The following EPM2A variants were observed in gnomAD, a reference collection of about 807,000 sequenced individuals.
EPM2A encodes the protein laforin.
EPM2A carries 21 observed loss-of-function variants against 26.5 expected under a neutral mutation model. The ratio of observed to expected loss-of-function variants is 0.79; its 90% CI spans 0.56 to 1.14. The LOEUF (loss-of-function observed/expected upper bound fraction) is 1.14, where lower values mean the gene tolerates loss of function less well. EPM2A is among the 50% of genes most tolerant of loss of function. EPM2A has a pLI of 0.00. For synonymous variants in EPM2A, 217 were observed against 177.6 expected (o/e 1.22, Z -1.76); for missense variants, 458 against 440.8 (o/e 1.04, Z -0.35).
At position 145,722,725 on chromosome 6, in the gene EPM2A, C is replaced by T. The variant is rs988920016; in HGVS notation, c.301+12473G>A. The T allele has an allele frequency of 1.8e-5, 8 of 449,708 alleles. No homozygotes were observed. In the Admixed American group the frequency reaches 1.9e-4, roughly 11 times the overall value. The allele number at this position is 449,708 out of a possible 1,614,324, so 27.9% of individuals were successfully genotyped here. The stretch of plus-strand genomic sequence containing the variant: ...ATCTTATTTGAAGATAGGATGTTTA[C>T]AGTGGTAATAAAGTTAAAATGAGGT... On this transcript the variant is annotated intron_variant, in intron 1 of 3. Transcript: ENST00000367519.
At chr6:145,530,921 C>T (rs893596965) in intron 2 of EPM2A, among the ~76,000 whole-genome samples, 31 of 152,284 alleles carry the variant, frequency 2.0e-4, no homozygotes, top group African/African-American at 7.0e-4. Flanking sequence ...CATCAACTTA[C>T]AAGCTTGCTC....
Position 145,689,672 on chromosome 6 carries a change from C to G in EPM2A, c.302-3376G>C, listed in dbSNP as rs118096802. Among the ~76,000 whole-genome samples, 748 of 152,370 alleles carry G rather than the reference C, an allele frequency of 4.9e-3. 2 individuals carry two copies. Among genetic ancestry groups the G allele is most frequent in the Non-Finnish European group, 8.1e-3 (549 of 68,042 alleles). On this transcript the variant is annotated intron_variant, in intron 1 of 3. Coordinates refer to ENST00000367519, the MANE Select transcript of EPM2A (RefSeq NM_005670.4). ...TCTGTTTGATAATAACTACACTACT[C>G]CAGTCAAACCCACTGAAAAAATGTG...
intron 2 of EPM2A, among the ~76,000 whole-genome samples, chr6:145,599,779 T>C (rs1432097362): frequency 6.6e-6 from 1 of 152,048 alleles, no homozygotes; most frequent in African/African-American, 2.4e-5. Context: ...ATTGAGTGGG[T>C]AAATTTCTTT....
chr6:145,390,563 T>TTCTCTCTC (rs61299104), intron 4 of EPM2A, among the ~76,000 whole-genome samples: 14,770 of 148,496 alleles, frequency 0.099, 786 homozygotes, highest in South Asian at 0.15. Context: ...TGCATGCACA[T>TTCTCTCTC]TCTCTCTCTC....
chr6:145,608,131 A>G (rs1775308386), intron 2 of EPM2A, among the ~76,000 whole-genome samples: 2 of 152,356 alleles, frequency 1.3e-5, no homozygotes, highest in African/African-American at 4.8e-5. Context: ...GAGAGAGACC[A>G]CATTCACATA....
intron 4 of EPM2A, among the ~76,000 whole-genome samples, chr6:145,384,559 T>C (rs1467367133): frequency 6.8e-6 from 1 of 147,634 alleles, no homozygotes; most frequent in African/African-American, 2.5e-5. Context: ...TTGGACTTTA[T>C]AACCCCTCAT....
At chr6:145,479,476 C>T (rs969115054) in intron 4 of EPM2A, among the ~76,000 whole-genome samples, 1 of 151,764 alleles carries the variant, frequency 6.6e-6, no homozygotes. Flanking sequence ...TACTTTATGT[C>T]TGTACAAATT....
intron 4 of EPM2A, among the ~76,000 whole-genome samples, chr6:145,466,584 G>A (rs528063009): frequency 5.5e-4 from 84 of 152,178 alleles, no homozygotes; most frequent in Admixed American, 1.1e-3. Flanking sequence ...AGTCAGTGTG[G>A]CGATTCCTCA....
At chr6:145,499,440 T>C (rs564970823), downstream of EPM2A, among the ~76,000 whole-genome samples, 13 of 152,376 alleles carry the variant, frequency 8.5e-5, no homozygotes, top group South Asian at 2.7e-3. Context: ...ATACTTCTTA[T>C]ACTTTCAAAT....
chr6:145,511,616 A>C (rs1780055749), intron 2 of EPM2A, among the ~76,000 whole-genome samples: 1 of 152,230 alleles, frequency 6.6e-6, no homozygotes, highest in African/African-American at 2.4e-5. Context: ...AATAAAAGCC[A>C]TGTGTAACAA....
intron 4 of EPM2A, among the ~76,000 whole-genome samples, chr6:145,420,435 G>A (rs1778767021): frequency 6.6e-6 from 1 of 152,106 alleles, no homozygotes; most frequent in Admixed American, 6.6e-5. Flanking sequence ...AATTATGGAT[G>A]TAACTTCATC....
chr6:145,398,783 C>T (rs1473743891), intron 4 of EPM2A, among the ~76,000 whole-genome samples: 1 of 151,560 alleles, frequency 6.6e-6, no homozygotes, highest in Non-Finnish European at 1.5e-5. Flanking sequence ...TCACTTTAAC[C>T]CAGAAGGGAG....
chr6:145,732,386 T>C (rs1447601931), intron 1 of EPM2A, among the ~76,000 whole-genome samples: 1 of 137,856 alleles, frequency 7.3e-6, no homozygotes, highest in African/African-American at 2.8e-5. Flanking sequence ...ATAAAACTGA[T>C]ACATATATCA....
At position 145,595,448 on chromosome 6, in the gene EPM2A, A is replaced by T. The variant is rs1781329607; in HGVS notation, c.340+39797T>A. Among the ~76,000 whole-genome samples, 4 of 150,946 alleles carry T rather than the reference A, an allele frequency of 2.6e-5. No homozygotes were observed. The South Asian group carries it at 8.4e-4, about 32-fold the overall frequency. ...AACTTATAGCAACTCAGATTGCTTT[A>T]TCCTTTTAATTTAATCAAATTCTCA... is the stretch of plus-strand genomic sequence containing the variant. On this transcript the variant is annotated intron_variant, in intron 2 of 3. Transcript: ENST00000450221.
intron 3 of EPM2A, among the ~76,000 whole-genome samples, chr6:145,632,491 C>T (rs540038199): frequency 6.6e-6 from 1 of 152,302 alleles, no homozygotes; most frequent in South Asian, 2.1e-4. Context: ...GGCAGATTTT[C>T]ATTCCCTAGG....
intron 1 of EPM2A, among the ~76,000 whole-genome samples, chr6:145,704,720 G>C (rs1283585260): frequency 6.6e-6 from 1 of 152,150 alleles, no homozygotes; most frequent in Non-Finnish European, 1.5e-5. Context: ...CTTCATAGAG[G>C]ATAAAACTGA....
intron 4 of EPM2A, among the ~76,000 whole-genome samples, chr6:145,446,559 G>A (rs1464436168): frequency 6.6e-6 from 1 of 152,158 alleles, no homozygotes; most frequent in Non-Finnish European, 1.5e-5. Flanking sequence ...TGATCCAGCT[G>A]ATGGCCATCA....
chr6:145,446,290 A>T (rs1386838448), intron 4 of EPM2A, among the ~76,000 whole-genome samples: 3 of 152,236 alleles, frequency 2.0e-5, no homozygotes, highest in Non-Finnish European at 2.9e-5. Flanking sequence ...TATGCTATGT[A>T]GCAAAAGTAA....
In EPM2A at chr6:145,522,174, G is replaced by A. The variant is rs143182956; in HGVS notation, c.341-19599C>T. Among the ~76,000 whole-genome samples the A allele has an allele frequency of 5.5e-3, 837 of 152,024 alleles. 24 individuals carry two copies. The East Asian group carries it at 0.087, about 16-fold the overall frequency. ...TCACCATGTTAGCCAGGATGGTCTC[G>A]ATCTCCTGACTTCGTGATCCGCCTG... On this transcript the variant is annotated intron_variant, in intron 2 of 3. Coordinates refer to the EPM2A transcript ENST00000450221.
Sources: allele counts gnomAD v4.1 joint callset (sites outside exome capture counted in the v4.1 genomes callset), GRCh38; gene constraint gnomAD v4.1.1; transcripts MANE v1.5; gene names NCBI Gene and HGNC (gene_info 2026-07-23, HGNC 2026-07-21).